The following PDE7B variants were observed in gnomAD, a reference collection of about 807,000 sequenced individuals.
PDE7B encodes phosphodiesterase 7B, also known as 3',5'-cyclic-AMP phosphodiesterase 7B.
Under a neutral mutation model 56.2 loss-of-function variants are expected in PDE7B, and 29 were observed. The ratio of observed to expected loss-of-function variants is 0.52; its 90% CI spans 0.38 to 0.70. The LOEUF is 0.70. Ranked by LOEUF, PDE7B falls within the 30% of genes least tolerant of loss-of-function variation. The pLI is 0.00. For synonymous variants in PDE7B, 197 were observed against 196.9 expected, an observed-to-expected ratio of 1.00 and a Z score of 0.00; for missense variants, 490 against 565.0, an observed-to-expected ratio of 0.87 and a Z score of 1.35.
intron 1 of PDE7B, among the ~76,000 whole-genome samples, chr6:135,858,072 A>G (rs1256351903): frequency 1.3e-5 from 2 of 152,180 alleles, no homozygotes; most frequent in Non-Finnish European, 2.9e-5. Context: ...GATATTTTAA[A>G]GTGACCAGAA....
At chr6:135,874,358 G>A (rs1305926888) in intron 1 of PDE7B, among the ~76,000 whole-genome samples, 1 of 152,050 alleles carries the variant, frequency 6.6e-6, no homozygotes, top group African/African-American at 2.4e-5. Context: ...TCTAATTTAT[G>A]CCTTGCAAAC....
At chr6:135,915,311 A>G (rs1773886704) in intron 1 of PDE7B, among the ~76,000 whole-genome samples, 1 of 152,178 alleles carries the variant, frequency 6.6e-6, no homozygotes, top group East Asian at 1.9e-4. Context: ...TCGGAGTGGA[A>G]TTGCTGGGTC....
intron 11 of PDE7B, among the ~76,000 whole-genome samples, chr6:136,183,619 G>GAA (rs367881738): frequency 1.4e-5 from 2 of 140,406 alleles, no homozygotes; most frequent in East Asian, 2.1e-4. Context: ...AAAAGAAAAA[G>GAA]AAAAAAAAAA....
intron 2 of PDE7B, among the ~76,000 whole-genome samples, chr6:136,020,686 T>C (rs1311230739): frequency 6.6e-6 from 1 of 152,130 alleles, no homozygotes; most frequent in Non-Finnish European, 1.5e-5. Flanking sequence ...ACAAACTCCA[T>C]CTGTTTGCTA....
intron 3 of PDE7B, chr6:136,114,699 C>G (rs969913070): frequency 5.6e-4 from 85 of 152,352 alleles, no homozygotes; most frequent in African/African-American, 1.9e-3. Flanking sequence ...GATGCTATCC[C>G]ACCCCCAGCC....
At chr6:136,068,529 C>A (rs1380994905) in intron 2 of PDE7B, among the ~76,000 whole-genome samples, 1 of 149,018 alleles carries the variant, frequency 6.7e-6, no homozygotes, top group Non-Finnish European at 1.5e-5. Context: ...CTCCCGGGTT[C>A]ACACCATTCT....
intron 1 of PDE7B, among the ~76,000 whole-genome samples, chr6:135,943,908 G>A (rs577487621): frequency 2.0e-5 from 3 of 152,164 alleles, no homozygotes; most frequent in Admixed American, 2.0e-4. Flanking sequence ...GTGCCAGCAG[G>A]ATCCCTCTGT....
chr6:136,148,110 A>G (rs1308766101), intron 4 of PDE7B, among the ~76,000 whole-genome samples: 1 of 152,098 alleles, frequency 6.6e-6, no homozygotes, highest in African/African-American at 2.4e-5. Context: ...TTTCAGCAAT[A>G]AATGCCCCAG....
At chr6:136,035,188 A>AC (rs1211299936) in intron 2 of PDE7B, 1 of 151,900 alleles carries the variant, frequency 6.6e-6, no homozygotes, top group African/African-American at 2.4e-5. Flanking sequence ...CCCTTTCCCC[A>AC]CCCTCAGTGA....
chr6:135,879,046 C>T (rs1008807503), intron 1 of PDE7B, among the ~76,000 whole-genome samples: 5 of 151,788 alleles, frequency 3.3e-5, no homozygotes, highest in Non-Finnish European at 7.4e-5. Context: ...TTTTATGAAA[C>T]CAATTTCATC....
chr6:136,158,092 G>A (rs1023806797), intron 8 of PDE7B, among the ~76,000 whole-genome samples: 4 of 152,130 alleles, frequency 2.6e-5, no homozygotes, highest in African/African-American at 7.2e-5. Flanking sequence ...AAAAAATCAC[G>A]TTACATAATA....
chr6:135,895,109 A>G (rs925750711), intron 1 of PDE7B, among the ~76,000 whole-genome samples: 10 of 152,040 alleles, frequency 6.6e-5, no homozygotes, highest in Non-Finnish European at 1.3e-4. Context: ...TTTGTCCAAT[A>G]AAGATAATCA....
intron 1 of PDE7B, among the ~76,000 whole-genome samples, chr6:135,920,489 C>T (rs781039266): frequency 3.3e-5 from 5 of 152,114 alleles, no homozygotes; most frequent in African/African-American, 1.2e-4. Context: ...GCTTTTCAAA[C>T]CATTTGCAGC....
chr6:135,971,654 T>C (rs1278095199), intron 2 of PDE7B, among the ~76,000 whole-genome samples: 7 of 152,290 alleles, frequency 4.6e-5, no homozygotes, highest in Middle Eastern at 3.4e-3. Context: ...GGACTAGAAT[T>C]CAAAAGACAT....
chr6:136,078,825 A>T (rs1452181478), intron 2 of PDE7B, among the ~76,000 whole-genome samples: 2 of 152,316 alleles, frequency 1.3e-5, no homozygotes, highest in Non-Finnish European at 2.9e-5. Flanking sequence ...CTTATAATTT[A>T]AAAAAATCTA....
intron 2 of PDE7B, among the ~76,000 whole-genome samples, chr6:136,055,399 A>G (rs1208992621): frequency 6.6e-6 from 1 of 152,226 alleles, no homozygotes; most frequent in Non-Finnish European, 1.5e-5. Flanking sequence ...TACCTTGAGT[A>G]CCAGCACTGA....
At chr6:136,010,689 C>T (rs112327854) in intron 2 of PDE7B, among the ~76,000 whole-genome samples, 2,353 of 152,090 alleles carry the variant, frequency 0.015, 61 homozygotes, top group African/African-American at 0.054. Flanking sequence ...AGTGCAATGG[C>T]GTGATCTCAG....
At chr6:136,150,231 C>T (rs1352689776) in intron 5 of PDE7B, among the ~76,000 whole-genome samples, 1 of 152,102 alleles carries the variant, frequency 6.6e-6, no homozygotes, top group East Asian at 1.9e-4. Context: ...CTAAGAAATG[C>T]TGAAATTGAT....
intron 2 of PDE7B, among the ~76,000 whole-genome samples, chr6:135,996,550 A>G (rs7746890): frequency 0.049 from 7,455 of 152,330 alleles, 555 homozygotes; most frequent in African/African-American, 0.16. Flanking sequence ...ATCAATATAG[A>G]ACAAGGAGGA....
Sources: gnomAD v4.1 joint callset for allele counts (sites outside exome capture counted in the v4.1 genomes callset) on GRCh38, gnomAD v4.1.1 for gene constraint, MANE v1.5 for transcripts, NCBI Gene and HGNC (gene_info 2026-07-23, HGNC 2026-07-21) for gene names.